Variants in LRMDA observed in about 807,000 individuals in gnomAD.
LRMDA encodes leucine-rich melanocyte differentiation-associated protein.
LRMDA carries 18 observed loss-of-function variants against 29.8 expected under a neutral mutation model. The observed-to-expected ratio is 0.60, with a 90% confidence interval of 0.42 to 0.90. The LOEUF is 0.90. LRMDA is among the 40% of genes least tolerant of loss of function. The probability of loss-of-function intolerance (pLI) is 0.00; values close to 1 mark genes in which losing one functional copy is unlikely to be tolerated. For missense variants in LRMDA, 273 were observed against 273.9 expected (o/e 1.00, Z 0.02); for synonymous variants, 125 against 109.4 (o/e 1.14, Z -0.89).
Position 76,557,397 on chromosome 10 carries a change from G to A in LRMDA, c.*109G>A. ...ACAATAGCCCACATTGCCTCTCTTT[G>A]GGAAAAGCTATGACTTCAGCTTTTG... is the stretch of plus-strand genomic sequence containing the variant. On this transcript the variant is annotated 3_prime_UTR_variant, in exon 7 of 7. Transcript: ENST00000611255. The A allele has an allele frequency of 1.1e-6, 1 of 900,268 alleles. No homozygotes were observed. Among genetic ancestry groups the A allele is most frequent in the Non-Finnish European group, 1.7e-6 (1 of 571,884 alleles). 55.8% of individuals were successfully genotyped at this position (900,268 alleles called of 1,614,324 possible). A position where few individuals can be genotyped will look rare whatever the true frequency, so the allele number is the denominator to read the frequency against.
chr10:75,638,502 C>G lies in LRMDA; in HGVS notation c.131+200008C>G, dbSNP rs540046144. On this transcript the variant is annotated intron_variant, in intron 2 of 6. Transcript: ENST00000611255. ...CTTGGAAAATTTGTTACTTTTTCCC[C>G]TTTCTCTGTCTCCTTTCTTTCTTCT... Among the ~76,000 whole-genome samples, 3 of 152,292 alleles carry G rather than the reference C, an allele frequency of 2.0e-5. No individual in the cohort carries two copies. The South Asian group carries it at 6.2e-4, about 32-fold the overall frequency.
chr10:75,619,976 A>G (rs1240169988), intron 2 of LRMDA, among the ~76,000 whole-genome samples: 1 of 152,180 alleles, frequency 6.6e-6, no homozygotes. Flanking sequence ...CTTGGTCCTA[A>G]AAGCATTAGC....
At chr10:76,258,722 T>A (rs1431882036) in intron 5 of LRMDA, among the ~76,000 whole-genome samples, 1 of 152,166 alleles carries the variant, frequency 6.6e-6, no homozygotes, top group African/African-American at 2.4e-5. Context: ...GTTTAGTTAG[T>A]TCTGTTCCTG....
chr10:76,528,784 G>C (rs1272989261), intron 6 of LRMDA, among the ~76,000 whole-genome samples: 2 of 152,012 alleles, frequency 1.3e-5, no homozygotes, highest in African/African-American at 4.8e-5. Context: ...AGGAACACAG[G>C]CTTCTTTGAT....
chr10:75,958,633 G>T (rs1028139006), intron 2 of LRMDA, among the ~76,000 whole-genome samples: 2 of 152,140 alleles, frequency 1.3e-5, no homozygotes, highest in Admixed American at 6.5e-5. Context: ...TTGGATAATT[G>T]ATGTTTTATG....
chr10:76,152,848 CT>C (rs35311480), intron 5 of LRMDA, among the ~76,000 whole-genome samples: 15 of 148,094 alleles, frequency 1.0e-4, no homozygotes, highest in South Asian at 4.3e-4. Flanking sequence ...CATTTTTTGG[CT>C]TTTTTTTTTG....
In LRMDA at chr10:76,316,840, AG is replaced by A. The variant is rs1379450262; in HGVS notation, c.517-7560del. Among the ~76,000 whole-genome samples, 17 of 152,336 alleles carry A rather than the reference AG, an allele frequency of 1.1e-4. No individual in the cohort carries two copies. In the Middle Eastern group the frequency reaches 0.01, roughly 91 times the overall value. Reference sequence around the variant, plus strand: ...TGCTCCATCATACTTCTTTGGATAAAGATAATTATTTGTTTGTAGATAGGAT... The same window carrying A: ...TGCTCCATCATACTTCTTTGGATAAAATAATTATTTGTTTGTAGATAGGAT... On this transcript the variant is annotated intron_variant, in intron 5 of 6. Transcript: ENST00000611255.
intron 2 of LRMDA, among the ~76,000 whole-genome samples, chr10:75,799,310 A>G (rs1455539884): frequency 1.3e-5 from 2 of 152,120 alleles, no homozygotes; most frequent in Admixed American, 1.3e-4. Context: ...CCATGTTTAA[A>G]CCTCTGATCA....
chr10:76,194,344 TC>T (rs1851297635), intron 5 of LRMDA, among the ~76,000 whole-genome samples: 2 of 152,328 alleles, frequency 1.3e-5, no homozygotes, highest in Middle Eastern at 3.4e-3. Flanking sequence ...AACACTTCTT[TC>T]CTGACATCTG....
At chr10:75,660,536 A>G (rs1841738915) in intron 2 of LRMDA, among the ~76,000 whole-genome samples, 1 of 152,202 alleles carries the variant, frequency 6.6e-6, no homozygotes, top group Non-Finnish European at 1.5e-5. Flanking sequence ...GCAGTGAACC[A>G]CCTTGTCAGA....
chr10:76,330,160 AT>A (rs1327773419), intron 6 of LRMDA, among the ~76,000 whole-genome samples: 1 of 152,248 alleles, frequency 6.6e-6, no homozygotes, highest in African/African-American at 2.4e-5. Flanking sequence ...CAGGGGCAGA[AT>A]GATGCGATAC....
intron 5 of LRMDA, among the ~76,000 whole-genome samples, chr10:76,134,180 C>T (rs775966564): frequency 3.3e-5 from 5 of 152,266 alleles, no homozygotes; most frequent in South Asian, 2.1e-4. Flanking sequence ...AGATGAATCA[C>T]GGCCCGTGGA....
intron 5 of LRMDA, among the ~76,000 whole-genome samples, chr10:76,304,409 C>T (rs1437396601): frequency 6.6e-6 from 1 of 152,124 alleles, no homozygotes. Flanking sequence ...CAGAAGCGCA[C>T]CTTAAACTTG....
chr10:75,802,819 A>G (rs189458696), intron 2 of LRMDA, among the ~76,000 whole-genome samples: 2 of 152,242 alleles, frequency 1.3e-5, no homozygotes, highest in East Asian at 3.9e-4. Flanking sequence ...TATAAGTTAA[A>G]TAAACACTAT....
At chr10:75,814,107 A>T (rs1438234583) in intron 2 of LRMDA, among the ~76,000 whole-genome samples, 1 of 152,226 alleles carries the variant, frequency 6.6e-6, no homozygotes, top group Admixed American at 6.5e-5. Context: ...TTTATGCAGG[A>T]GGAAGAGTGA....
At chr10:76,197,215 T>A (rs1315366684) in intron 5 of LRMDA, among the ~76,000 whole-genome samples, 1 of 152,196 alleles carries the variant, frequency 6.6e-6, no homozygotes, top group African/African-American at 2.4e-5. Context: ...TTTAAAAAAA[T>A]TATTTTATTT....
chr10:75,915,514 A>G (rs751657175), intron 2 of LRMDA, among the ~76,000 whole-genome samples: 2 of 152,196 alleles, frequency 1.3e-5, no homozygotes, highest in African/African-American at 2.4e-5. Context: ...TGCTGGGATG[A>G]TAGGTATGAG....
chr10:76,064,626 A>G (rs1848755006), intron 5 of LRMDA, among the ~76,000 whole-genome samples: 1 of 152,220 alleles, frequency 6.6e-6, no homozygotes, highest in Non-Finnish European at 1.5e-5. Flanking sequence ...TGTCTTTGAT[A>G]TCTTCTGTTA....
intron 1 of LRMDA, among the ~76,000 whole-genome samples, chr10:75,436,706 T>G (rs1318712708): frequency 6.6e-6 from 1 of 152,014 alleles, no homozygotes; most frequent in Admixed American, 6.5e-5. Context: ...CCTGACCTCA[T>G]GATCCTCCCA....
Sources: gnomAD v4.1 joint callset for allele counts (sites outside exome capture counted in the v4.1 genomes callset) on GRCh38, gnomAD v4.1.1 for gene constraint, MANE v1.5 for transcripts, NCBI Gene and HGNC (gene_info 2026-07-23, HGNC 2026-07-21) for gene names.